FNTB: variants seen among roughly 807,000 people sequenced by gnomAD.
FNTB encodes farnesyltransferase, CAAX box, subunit beta, also known as protein farnesyltransferase subunit beta.
A neutral mutation model predicts 59.4 loss-of-function variants in FNTB; 27 were observed. The ratio of observed to expected loss-of-function variants is 0.45; its 90% CI spans 0.34 to 0.63. The LOEUF (loss-of-function observed/expected upper bound fraction) is 0.63. Ranked by LOEUF, FNTB falls within the 20% of genes least tolerant of loss-of-function variation. The probability of loss-of-function intolerance (pLI) is 0.02; values close to 1 mark genes in which losing one functional copy is unlikely to be tolerated. For missense variants in FNTB, 449 were observed against 559.6 expected, an observed-to-expected ratio of 0.80 and a Z score of 1.99; for synonymous variants, 230 against 220.7, an observed-to-expected ratio of 1.04 and a Z score of -0.37.
At chr14:65,003,079 G>A (rs2061538631) in intron 1 of FNTB, among the ~76,000 whole-genome samples, 1 of 152,166 alleles carries the variant, frequency 6.6e-6, no homozygotes, top group Non-Finnish European at 1.5e-5. Context: ...AACCCAGCAC[G>A]CAATTTTTGT....
intron 2 of FNTB, among the ~76,000 whole-genome samples, chr14:65,004,535 A>G (rs564543218): frequency 2.6e-5 from 4 of 152,350 alleles, no homozygotes; most frequent in Admixed American, 6.5e-5. Context: ...CAGGTGTTAC[A>G]TGGGGATTCC....
At chr14:65,026,794 G>C (rs550576124) in intron 4 of FNTB, among the ~76,000 whole-genome samples, 2 of 151,846 alleles carry the variant, frequency 1.3e-5, no homozygotes, top group Non-Finnish European at 2.9e-5. Context: ...CCTGGGAGAC[G>C]GATGCTGCAA....
rs1293639273 is a variant in FNTB, at chr14:65,054,638, C to T, written c.1131C>T (p.Gly377=). Residue 377 remains glycine, a synonymous_variant, in exon 11 of 12, where the codon GGC becomes GGT. Coordinates refer to ENST00000246166, the MANE Select transcript of FNTB (RefSeq NM_002028.4). This position sits in a 1 kb window ranked among gnomAD's most constrained non-coding sequence, Gnocchi z 4.4. ...LSGLSIAQHF[G]SGAMLHDVVL... The stretch of plus-strand genomic sequence containing the variant: ...GCCTGTCCATAGCCCAGCACTTCGG[C>T]AGCGGAGCCATGTTGCATGATGTGG... 2.5e-6 allele frequency: 4 copies of T among 1,613,764 alleles called. No homozygotes were observed. Among genetic ancestry groups the T allele is most frequent in the Non-Finnish European group, 3.4e-6 (4 of 1,179,852 alleles).
chr14:65,043,594 G>A (rs1405704291), intron 8 of FNTB, among the ~76,000 whole-genome samples: 1 of 151,732 alleles, frequency 6.6e-6, no homozygotes, highest in Non-Finnish European at 1.5e-5. Context: ...AGGCCGAGGC[G>A]GGTGGATCAT....
intron 1 of FNTB, among the ~76,000 whole-genome samples, chr14:64,989,272 CAA>C (rs58654871): frequency 1.1e-4 from 8 of 69,930 alleles, no homozygotes; most frequent in Admixed American, 1.6e-4. Flanking sequence ...CTGTCTCTAC[CAA>C]AAAAAAAAAA....
At chr14:65,046,351 G>T in intron 9 of FNTB, among the ~76,000 whole-genome samples, 1 of 152,190 alleles carries the variant, frequency 6.6e-6, no homozygotes, top group East Asian at 1.9e-4. Context: ...CAAGCCCCTG[G>T]TAAAATGGTC....
intron 2 of FNTB, 83 bp downstream of exon 2, chr14:65,004,396 T>A: frequency 7.0e-7 from 1 of 1,429,700 alleles, no homozygotes; most frequent in Non-Finnish European, 9.6e-7. Context: ...TGAGCGAATC[T>A]AACCACGGGG....
intron 4 of FNTB, among the ~76,000 whole-genome samples, chr14:65,017,965 A>G (rs1010468489): frequency 6.6e-6 from 1 of 152,208 alleles, no homozygotes; most frequent in Admixed American, 6.5e-5. Flanking sequence ...AAAAAAATAA[A>G]TAAATAAAAT....
intron 2 of FNTB, among the ~76,000 whole-genome samples, chr14:65,006,967 G>C (rs1021264181): frequency 6.6e-6 from 1 of 152,078 alleles, no homozygotes; most frequent in Non-Finnish European, 1.5e-5. Flanking sequence ...TTCCTCCTGG[G>C]CTCGGATCCT....
rs1294531353 is a variant in FNTB, at chr14:65,009,853, C to T, written c.210-2464C>T. Among the ~76,000 whole-genome samples, 1 of 152,102 alleles carries T rather than the reference C, an allele frequency of 6.6e-6. No homozygotes were observed. Among genetic ancestry groups the T allele is most frequent in the Non-Finnish European group, 1.5e-5 (1 of 68,020 alleles). ...CTCCATCTCTTCCCGTGGCTGATCA[C>T]AGCGTTTATTGGACAGGGCTCTGCT... On this transcript the variant is annotated intron_variant, in intron 2 of 11. Transcript: ENST00000246166. This position sits in a 1 kb window ranked among gnomAD's most constrained non-coding sequence, Gnocchi z 4.2.
At chr14:65,040,684 C>T (rs1264304325) in intron 7 of FNTB, 106 bp from the exon 8 acceptor site, 9 of 1,161,792 alleles carry the variant, frequency 7.7e-6, no homozygotes, top group Non-Finnish European at 8.7e-6. Context: ...TGTGATGGTT[C>T]ACACCTTAAT....
chr14:65,000,260 C>T (rs1888547074), intron 1 of FNTB, among the ~76,000 whole-genome samples: 1 of 152,188 alleles, frequency 6.6e-6, no homozygotes, highest in Non-Finnish European at 1.5e-5. Flanking sequence ...AGTTGGTCTT[C>T]CATATCCGTG....
intron 9 of FNTB, among the ~76,000 whole-genome samples, chr14:65,045,789 GTAAGCAGAGCCTC>G (rs1466850858): frequency 3.3e-5 from 5 of 152,146 alleles, no homozygotes; most frequent in Non-Finnish European, 7.3e-5. Context: ...CTGAATTAAA[GTAAGCAGAGCCTC>G]TGTCCCATTT....
intron 9 of FNTB, among the ~76,000 whole-genome samples, chr14:65,049,903 C>T (rs1346389447): frequency 6.6e-6 from 1 of 151,970 alleles, no homozygotes; most frequent in Non-Finnish European, 1.5e-5. Context: ...AATCCCCATA[C>T]ACATTAAATA....
Position 65,040,224 on chromosome 14 carries a change from T to G in FNTB, c.693-566T>G, listed in dbSNP as rs73270823. Among the ~76,000 whole-genome samples the G allele has an allele frequency of 0.011, 1,613 of 151,136 alleles. 39 individuals are homozygous for G. The East Asian group carries it at 0.11, about 11-fold the overall frequency. The stretch of plus-strand genomic sequence containing the variant: ...TAGAATCAACAATCACTCTTTAATT[T>G]TATTTTAACTTGATGGTTATCACTA... On this transcript the variant is annotated intron_variant, in intron 7 of 11. Coordinates refer to ENST00000246166, the MANE Select transcript of FNTB (RefSeq NM_002028.4).
At chr14:65,046,067 C>A (rs895252937) in intron 9 of FNTB, among the ~76,000 whole-genome samples, 2 of 152,154 alleles carry the variant, frequency 1.3e-5, no homozygotes, top group African/African-American at 2.4e-5. Flanking sequence ...ACCTCTGCCC[C>A]CTGGGTTCAA....
intron 4 of FNTB, among the ~76,000 whole-genome samples, chr14:65,026,439 C>T (rs922787474): frequency 6.6e-6 from 1 of 152,138 alleles, no homozygotes; most frequent in Non-Finnish European, 1.5e-5. Flanking sequence ...TCCAAGAACC[C>T]GCAGACTGGG....
intron 4 of FNTB, among the ~76,000 whole-genome samples, chr14:65,020,844 G>C (rs2061873486): frequency 6.7e-6 from 1 of 149,524 alleles, no homozygotes; most frequent in Admixed American, 6.8e-5. Flanking sequence ...TGATTCTCCT[G>C]CCTCAGCTTC....
chr14:64,994,142 AC>A lies in FNTB; in HGVS notation c.144+7047del, dbSNP rs573080480. The stretch of plus-strand genomic sequence containing the variant: ...AGTGCTGGGATTACAGGCGTGAGGT[AC>A]CATGCCTGGCCTAGTGATTGGATTT... On this transcript the variant is annotated intron_variant, in intron 1 of 11. Coordinates refer to ENST00000246166, the MANE Select transcript of FNTB (RefSeq NM_002028.4). This position sits in a 1 kb window ranked among gnomAD's most constrained non-coding sequence, Gnocchi z 4.2. Among the ~76,000 whole-genome samples the A allele has an allele frequency of 7.0e-4, 107 of 152,324 alleles. No homozygotes were observed. In the Middle Eastern group the frequency reaches 0.02, roughly 29 times the overall value.
Sources: allele counts gnomAD v4.1 joint callset (sites outside exome capture counted in the v4.1 genomes callset), GRCh38; gene constraint gnomAD v4.1.1; non-coding constraint Gnocchi (gnomAD v3.1); transcripts MANE v1.5; gene names NCBI Gene and HGNC (gene_info 2026-07-23, HGNC 2026-07-21).